STXBP5L: variants seen among roughly 807,000 people sequenced by gnomAD.
STXBP5L encodes syntaxin binding protein 5L.
Under a neutral mutation model 144.5 loss-of-function variants are expected in STXBP5L, and 65 were observed. The observed-to-expected ratio is 0.45, with a 90% CI of 0.37 to 0.55. The LOEUF (loss-of-function observed/expected upper bound fraction) is 0.55. STXBP5L is among the 20% of genes least tolerant of loss of function. The pLI is 0.00. For synonymous variants in STXBP5L, 505 were observed against 469.6 expected (o/e 1.08, Z -0.97); for missense variants, 1,298 against 1,405.5 (o/e 0.92, Z 1.22).
At chr3:121,156,986 C>G (rs1019099721) in intron 8 of STXBP5L, among the ~76,000 whole-genome samples, 4 of 151,956 alleles carry the variant, frequency 2.6e-5, no homozygotes, top group Admixed American at 2.0e-4. Context: ...ACTTTTGAAT[C>G]TTATCTGACT....
At chr3:121,312,430 C>A (rs1479938449) in intron 19 of STXBP5L, among the ~76,000 whole-genome samples, 1 of 22,380 alleles carries the variant, frequency 4.5e-5, no homozygotes, top group African/African-American at 1.7e-4. Flanking sequence ...TTGTTTTTGA[C>A]TTAAGGTATG....
intron 14 of STXBP5L, among the ~76,000 whole-genome samples, chr3:121,242,138 A>G (rs2049691642): frequency 6.6e-6 from 1 of 152,198 alleles, no homozygotes; most frequent in African/African-American, 2.4e-5. Context: ...TCTACCATTA[A>G]AAAAGTAGCT....
At chr3:121,265,948 C>G (rs991479455) in intron 18 of STXBP5L, among the ~76,000 whole-genome samples, 1 of 152,028 alleles carries the variant, frequency 6.6e-6, no homozygotes, top group African/African-American at 2.4e-5. Context: ...AATCCCTGAA[C>G]AGACCAATAA....
chr3:120,957,616 T>A (rs776332633), intron 3 of STXBP5L, among the ~76,000 whole-genome samples: 9 of 151,620 alleles, frequency 5.9e-5, no homozygotes, highest in Admixed American at 1.3e-4. Flanking sequence ...TGAGTAGAAG[T>A]AGTATTAGTT....
intron 7 of STXBP5L, among the ~76,000 whole-genome samples, chr3:121,130,969 A>C (rs539803977): frequency 9.9e-5 from 15 of 152,224 alleles, no homozygotes; most frequent in African/African-American, 3.6e-4. Flanking sequence ...CATAAATCTA[A>C]TATGAAACAC....
At chr3:120,994,181 A>C (rs1943154979) in intron 3 of STXBP5L, among the ~76,000 whole-genome samples, 1 of 152,020 alleles carries the variant, frequency 6.6e-6, no homozygotes, top group Non-Finnish European at 1.5e-5. Flanking sequence ...ATTAGTTCTA[A>C]GAATTTTTTG....
chr3:121,161,557 A>G (rs1485527818), intron 9 of STXBP5L, among the ~76,000 whole-genome samples: 2 of 151,982 alleles, frequency 1.3e-5, no homozygotes, highest in Non-Finnish European at 2.9e-5. Flanking sequence ...ATTCTCATAT[A>G]TATATATATG....
intron 19 of STXBP5L, among the ~76,000 whole-genome samples, chr3:121,305,414 A>G: frequency 6.6e-6 from 1 of 152,184 alleles, no homozygotes; most frequent in East Asian, 1.9e-4. Context: ...AATCAGATAT[A>G]AAATATTAGC....
chr3:120,991,562 CA>C (rs1942875331), intron 3 of STXBP5L, among the ~76,000 whole-genome samples: 1 of 152,162 alleles, frequency 6.6e-6, no homozygotes, highest in African/African-American at 2.4e-5. Flanking sequence ...TTCACAATAG[CA>C]AAGACTTGGA....
intron 3 of STXBP5L, among the ~76,000 whole-genome samples, chr3:121,022,465 A>G (rs1027750114): frequency 6.6e-5 from 10 of 152,136 alleles, no homozygotes; most frequent in African/African-American, 2.4e-4. Context: ...TAAAAAGTAA[A>G]CTATAGACTA....
chr3:121,094,593 A>T (rs550941540), intron 5 of STXBP5L, among the ~76,000 whole-genome samples: 2 of 151,326 alleles, frequency 1.3e-5, no homozygotes, highest in African/African-American at 2.4e-5. Context: ...TAGGATTGCA[A>T]CCCCTGCCTT....
intron 3 of STXBP5L, among the ~76,000 whole-genome samples, chr3:120,975,556 C>T (rs1940880190): frequency 6.6e-6 from 1 of 152,038 alleles, no homozygotes; most frequent in Admixed American, 6.6e-5. Context: ...GCCTGATTGC[C>T]CTGGCCAGAA....
At position 121,127,459 on chromosome 3, in the gene STXBP5L, C is replaced by G. The variant is rs143477690; in HGVS notation, c.669+5755C>G. ...GAGACTTCTTCCTTGCCTTTTCCAG[C>G]TTAGGTGGCTCCTGATGTTCCTTGA... On this transcript the variant is annotated intron_variant, in intron 7 of 26. Coordinates refer to ENST00000471454, the MANE Select transcript of STXBP5L (RefSeq NM_001308330.2). Among the ~76,000 whole-genome samples the G allele has an allele frequency of 2.2e-3, 333 of 152,076 alleles. 2 individuals carry two copies. Among genetic ancestry groups the G allele is most frequent in the Middle Eastern group, 0.01 (3 of 294 alleles).
At chr3:120,925,207 C>T (rs977987660) in intron 2 of STXBP5L, 5 of 152,222 alleles carry the variant, frequency 3.3e-5, no homozygotes, top group Non-Finnish European at 7.3e-5. Context: ...GCCCTAATGA[C>T]AATGTCCACA....
intron 10 of STXBP5L, among the ~76,000 whole-genome samples, chr3:121,209,191 T>C (rs959764604): frequency 6.6e-6 from 1 of 152,114 alleles, no homozygotes; most frequent in African/African-American, 2.4e-5. Context: ...TTTGGGTTGG[T>C]TCCAAGTCTT....
At chr3:121,093,978 T>C (rs949301454) in intron 5 of STXBP5L, among the ~76,000 whole-genome samples, 6 of 152,204 alleles carry the variant, frequency 3.9e-5, no homozygotes, top group Non-Finnish European at 8.8e-5. Context: ...TGTGTCTTTG[T>C]TCTCGTTGGT....
At chr3:121,243,542 C>CAA (rs112243588) in intron 14 of STXBP5L, among the ~76,000 whole-genome samples, 45 of 131,904 alleles carry the variant, frequency 3.4e-4, no homozygotes, top group East Asian at 1.1e-3. Flanking sequence ...ATCAAAGAGA[C>CAA]AAAAAAAAAA....
At chr3:121,187,941 G>C (rs896503395) in intron 9 of STXBP5L, among the ~76,000 whole-genome samples, 3 of 151,894 alleles carry the variant, frequency 2.0e-5, no homozygotes, top group Non-Finnish European at 4.4e-5. Flanking sequence ...GACAGAGAAG[G>C]GCATTACATA....
At chr3:121,201,655 G>GT (rs201494015) in intron 9 of STXBP5L, among the ~76,000 whole-genome samples, 2,932 of 146,118 alleles carry the variant, frequency 0.02, 35 homozygotes, top group Middle Eastern at 0.028. Flanking sequence ...GTTACTGGTT[G>GT]TTTTTTTTTT....
Sources: allele counts gnomAD v4.1 joint callset (sites outside exome capture counted in the v4.1 genomes callset), GRCh38; gene constraint gnomAD v4.1.1; transcripts MANE v1.5; gene names NCBI Gene and HGNC (gene_info 2026-07-23, HGNC 2026-07-21).